GPC5: variants seen among roughly 807,000 people sequenced by gnomAD.
GPC5 encodes the protein glypican-5.
A neutral mutation model predicts 53.9 loss-of-function variants in GPC5; 47 were observed. That is an observed-to-expected ratio of 0.87 (90% CI 0.69 to 1.11). The LOEUF is 1.11. Among genes scored for constraint, GPC5 ranks in the 50% most tolerant of loss-of-function variants. The pLI is 0.00. For synonymous variants in GPC5, 286 were observed against 263.3 expected, an observed-to-expected ratio of 1.09 and a Z score of -0.84; for missense variants, 748 against 713.1, an observed-to-expected ratio of 1.05 and a Z score of -0.56.
At chr13:92,064,991 A>T (rs1334819592) in intron 6 of GPC5, among the ~76,000 whole-genome samples, 3 of 152,102 alleles carry the variant, frequency 2.0e-5, no homozygotes, top group Non-Finnish European at 4.4e-5. Context: ...ATTCTCAATA[A>T]AACCAATTGT....
At chr13:92,758,028 C>T (rs1450944369) in intron 7 of GPC5, among the ~76,000 whole-genome samples, 14 of 151,044 alleles carry the variant, frequency 9.3e-5, no homozygotes, top group African/African-American at 2.7e-4. Flanking sequence ...AAGACACATG[C>T]ACACGTATGT....
intron 7 of GPC5, among the ~76,000 whole-genome samples, chr13:92,394,907 G>T (rs1212543649): frequency 6.6e-6 from 1 of 152,100 alleles, no homozygotes; most frequent in Non-Finnish European, 1.5e-5. Context: ...AAATGTCATT[G>T]CTTTGCAGGA....
At chr13:92,490,060 A>T (rs941419314) in intron 7 of GPC5, 2 of 153,338 alleles carry the variant, frequency 1.3e-5, no homozygotes, top group African/African-American at 4.8e-5. Flanking sequence ...TGTGCATTTT[A>T]AAAAATTTAT....
intron 7 of GPC5, among the ~76,000 whole-genome samples, chr13:92,280,194 T>A (rs1294397048): frequency 3.3e-5 from 5 of 152,152 alleles, no homozygotes; most frequent in African/African-American, 9.7e-5. Context: ...TCTCTTGCAA[T>A]TCTTGTAATT....
intron 2 of GPC5, among the ~76,000 whole-genome samples, chr13:91,550,580 T>G (rs2030575189): frequency 6.6e-6 from 1 of 152,250 alleles, no homozygotes; most frequent in South Asian, 2.1e-4. Flanking sequence ...GATGTTCTTG[T>G]GGATAGGAAG....
Position 92,583,381 on chromosome 13 carries a change from A to G in GPC5, c.1562-282901A>G, listed in dbSNP as rs1475620552. On this transcript the variant is annotated intron_variant, in intron 7 of 7. Coordinates refer to ENST00000377067, the MANE Select transcript of GPC5 (RefSeq NM_004466.6). ...TCTTGCTATTTAAACTGGTAGCTTC[A>G]TAATTCCTACTCTGTCAGTCAGTTT... 5.3e-5 allele frequency among the ~76,000 whole-genome samples: 8 copies of G among 152,346 alleles called. 1 individual carries two copies. The South Asian group carries it at 1.4e-3, about 28-fold the overall frequency.
chr13:91,782,232 G>C (rs1403818128), intron 5 of GPC5, among the ~76,000 whole-genome samples: 1 of 152,152 alleles, frequency 6.6e-6, no homozygotes, highest in Non-Finnish European at 1.5e-5. Context: ...TAACAGAAAA[G>C]AGAAACCCTC....
chr13:91,971,772 A>G (rs1283832135), intron 6 of GPC5, among the ~76,000 whole-genome samples: 1 of 152,118 alleles, frequency 6.6e-6, no homozygotes, highest in African/African-American at 2.4e-5. Context: ...GTAGTTGAGC[A>G]GTTTTGAGTG....
chr13:92,696,226 C>T (rs1195147480), intron 7 of GPC5, among the ~76,000 whole-genome samples: 5 of 152,116 alleles, frequency 3.3e-5, no homozygotes, highest in Non-Finnish European at 7.4e-5. Context: ...AATGGGATTG[C>T]TTGGTGAAAT....
chr13:91,963,566 A>C (rs1283130015), intron 6 of GPC5, among the ~76,000 whole-genome samples: 3 of 150,846 alleles, frequency 2.0e-5, no homozygotes, highest in Non-Finnish European at 4.4e-5. Flanking sequence ...TAGCAGAGAC[A>C]CATTATGGAA....
intron 7 of GPC5, among the ~76,000 whole-genome samples, chr13:92,251,645 G>T (rs1179275566): frequency 6.6e-6 from 1 of 152,086 alleles, no homozygotes; most frequent in African/African-American, 2.4e-5. Flanking sequence ...AATGTATGTA[G>T]TATCACAGCA....
At chr13:91,880,885 G>A (rs1350302853) in intron 5 of GPC5, among the ~76,000 whole-genome samples, 1 of 152,142 alleles carries the variant, frequency 6.6e-6, no homozygotes, top group East Asian at 1.9e-4. Flanking sequence ...CCGCCTCCCG[G>A]GTTCAAGCAA....
At chr13:92,551,612 A>G (rs1882315384) in intron 7 of GPC5, among the ~76,000 whole-genome samples, 1 of 151,880 alleles carries the variant, frequency 6.6e-6, no homozygotes. Flanking sequence ...TTTGATTTAG[A>G]TTTGGTGTGG....
At chr13:91,810,794 A>C (rs2038299131) in intron 5 of GPC5, among the ~76,000 whole-genome samples, 1 of 151,942 alleles carries the variant, frequency 6.6e-6, no homozygotes, top group Admixed American at 6.6e-5. Flanking sequence ...ATGTTATAGT[A>C]AAACATTAAG....
chr13:91,984,355 G>C (rs1400044100), intron 6 of GPC5, among the ~76,000 whole-genome samples: 1 of 152,088 alleles, frequency 6.6e-6, no homozygotes, highest in Non-Finnish European at 1.5e-5. Flanking sequence ...ACATCTGATG[G>C]CATGCTATAT....
chr13:91,893,440 G>T (rs1364317586), intron 5 of GPC5, among the ~76,000 whole-genome samples: 4 of 152,034 alleles, frequency 2.6e-5, no homozygotes, highest in African/African-American at 9.7e-5. Context: ...AATCTGAAGA[G>T]AATTTTTAAA....
chr13:92,115,227 G>A (rs9560924), intron 6 of GPC5, among the ~76,000 whole-genome samples: 65,652 of 152,076 alleles, frequency 0.43, 14,453 homozygotes, highest in Admixed American at 0.49. Context: ...AAACAATTCT[G>A]GCCAGGTGTG....
intron 2 of GPC5, among the ~76,000 whole-genome samples, chr13:91,615,606 G>A (rs1048400080): frequency 3.9e-5 from 6 of 152,112 alleles, no homozygotes; most frequent in Admixed American, 6.6e-5. Flanking sequence ...GTTACCATAC[G>A]TTTGGAGAGG....
chr13:91,679,646 T>C (rs907504692), intron 2 of GPC5, among the ~76,000 whole-genome samples: 5 of 152,206 alleles, frequency 3.3e-5, no homozygotes, highest in Admixed American at 1.3e-4. Flanking sequence ...ACAAATTAAA[T>C]TGGTGGCATC....
Sources: allele counts gnomAD v4.1 joint callset (sites outside exome capture counted in the v4.1 genomes callset), GRCh38; gene constraint gnomAD v4.1.1; transcripts MANE v1.5; gene names NCBI Gene and HGNC (gene_info 2026-07-23, HGNC 2026-07-21).